DGKE: variants seen among roughly 807,000 people sequenced by gnomAD.
DGKE encodes diacylglycerol kinase epsilon.
A neutral mutation model predicts 70.0 loss-of-function variants in DGKE; 53 were observed. That is an observed-to-expected ratio of 0.76 (90% CI 0.61 to 0.95). The LOEUF is 0.95. Among genes scored for constraint, DGKE ranks in the 40% least tolerant of loss-of-function variants. The probability of loss-of-function intolerance (pLI) is 0.00; values close to 1 mark genes in which losing one functional copy is unlikely to be tolerated. For missense variants in DGKE, 655 were observed against 706.9 expected, an observed-to-expected ratio of 0.93 and a Z score of 0.83; for synonymous variants, 291 against 257.0, an observed-to-expected ratio of 1.13 and a Z score of -1.27.
rs1404263029 is a variant in DGKE at position 56,856,599 on chromosome 17, C to G, written c.1186C>G (p.Leu396Val). The change falls in exon 8 of 12, where the codon CTG becomes GTG. Residue 396 changes from leucine to valine, a missense_variant. Coordinates refer to ENST00000284061, the MANE Select transcript of DGKE (RefSeq NM_003647.3). ...FHAHREKAPS[L>V]FSSRILNKAV... ...TGCTCATCGTGAGAAGGCACCATCT[C>G]TGTTTTCTAGCAGAATTCTTAATAA... is the stretch of plus-strand genomic sequence containing the variant. 2 of 1,613,756 alleles carry G rather than the reference C, an allele frequency of 1.2e-6. No individual in the cohort carries two copies. The highest frequency in any genetic ancestry group is 2.2e-5 in the South Asian group (2 of 90,976).
In DGKE at chr17:56,865,477, C is replaced by T. The variant is rs1449272840; in HGVS notation, c.*2686C>T. ...CAGATGATGATAATTTTCAGTGTTT[C>T]GTCATGTTTAATAGAAATCAAACTG... On this transcript the variant is annotated 3_prime_UTR_variant, in exon 12 of 12. Transcript: ENST00000284061. The T allele has an allele frequency of 1.3e-5, 2 of 152,042 alleles. No individual in the cohort carries two copies. Among genetic ancestry groups the T allele is most frequent in the Non-Finnish European group, 2.9e-5 (2 of 67,984 alleles). 9.4% of individuals were successfully genotyped at this position (152,042 alleles called of 1,614,324 possible).
chr17:56,861,408 G>T (rs765311497), intron 9 of DGKE, among the ~76,000 whole-genome samples: 6 of 152,322 alleles, frequency 3.9e-5, no homozygotes, highest in Non-Finnish European at 8.8e-5. Context: ...TGGATAGATG[G>T]ATCTGGCCCA....
Position 56,847,903 on chromosome 17 carries a change from C to T in DGKE, c.745-19C>T. 13 of 1,521,940 alleles carry T rather than the reference C, an allele frequency of 8.5e-6. No individual in the cohort carries two copies. Among genetic ancestry groups the T allele is most frequent in the Non-Finnish European group, 1.1e-5 (13 of 1,132,334 alleles). 94.3% of individuals were successfully genotyped at this position (1,521,940 alleles called of 1,614,324 possible). Reference sequence around the variant, plus strand: ...AAAATGTTGGATAAAAATAATTTGTCTTTTTCTTTTGTTTCTAGGTTTTTG... The same window carrying T: ...AAAATGTTGGATAAAAATAATTTGTTTTTTTCTTTTGTTTCTAGGTTTTTG... On this transcript the variant is annotated intron_variant, in intron 4 of 11. Transcript: ENST00000284061.
Position 56,860,823 on chromosome 17 carries a change from A to C in DGKE, c.1285-968A>C, listed in dbSNP as rs1196531935. Among the ~76,000 whole-genome samples the C allele has an allele frequency of 6.6e-5, 9 of 136,256 alleles. No individual in the cohort carries two copies. The East Asian group carries it at 1.7e-3, about 25-fold the overall frequency. 89.4% of individuals were successfully genotyped at this position (136,256 alleles called of 152,430 possible). On this transcript the variant is annotated intron_variant, in intron 9 of 11. Transcript: ENST00000284061. ...GCATATTTGAGTGAGTTCAGGCTGG[A>C]GCATAGCTTTCAGGAAGGAAAGACA... is the stretch of plus-strand genomic sequence containing the variant.
At chr17:56,842,946 G>A (rs780605626) in intron 2 of DGKE, among the ~76,000 whole-genome samples, 7 of 152,186 alleles carry the variant, frequency 4.6e-5, no homozygotes, top group South Asian at 2.1e-4. Context: ...ATGTTCTTAC[G>A]TCTATTTCAA....
In DGKE at chr17:56,850,532, GA is replaced by G. The variant is rs1907587064; in HGVS notation, c.1098+1301del. Reference sequence around the variant, plus strand: ...GTAGTAAGTAAATAAGGAGAAAACAGAGAAAGAGAATTACAGTAGGTGGGTG... The same window carrying G: ...GTAGTAAGTAAATAAGGAGAAAACAGGAAAGAGAATTACAGTAGGTGGGTG... On this transcript the variant is annotated intron_variant, in intron 7 of 11. Transcript: ENST00000284061. Among the ~76,000 whole-genome samples the G allele has an allele frequency of 2.6e-5, 4 of 152,262 alleles. No individual in the cohort carries two copies. The South Asian group carries it at 8.3e-4, about 32-fold the overall frequency.
chr17:56,849,061 T>C, intron 6 of DGKE, 120 bp from the exon 7 acceptor site: 1 of 1,198,598 alleles, frequency 8.3e-7, no homozygotes, highest in Non-Finnish European at 1.2e-6. Flanking sequence ...ATTTGCATGC[T>C]CATATACGTG....
At chr17:56,854,201 T>A (rs1907812102) in intron 7 of DGKE, among the ~76,000 whole-genome samples, 1 of 152,170 alleles carries the variant, frequency 6.6e-6, no homozygotes, top group Non-Finnish European at 1.5e-5. Context: ...CATTGGTTAA[T>A]AGGTACAAAG....
At chr17:56,838,399 C>G (rs1175633397) in intron 2 of DGKE, 2 of 152,214 alleles carry the variant, frequency 1.3e-5, no homozygotes, top group Non-Finnish European at 2.9e-5. Flanking sequence ...TTTCGGCTTT[C>G]CCAACCATTT....
chr17:56,853,666 A>T (rs746164548), intron 7 of DGKE, among the ~76,000 whole-genome samples: 10 of 152,216 alleles, frequency 6.6e-5, no homozygotes, highest in Non-Finnish European at 1.2e-4. Flanking sequence ...AGTAATAACA[A>T]ATGTTGGCAA....
In DGKE at chr17:56,868,337, A is replaced by G. The variant is rs1039413751; in HGVS notation, c.*5546A>G. The stretch of plus-strand genomic sequence containing the variant: ...AACTGCTTAAACAAACCCTACAGAT[A>G]AATTGGCACTCTGATTTGTAATTCT... On this transcript the variant is annotated 3_prime_UTR_variant, in exon 12 of 12. Transcript: ENST00000284061. 2.6e-5 allele frequency: 4 copies of G among 152,272 alleles called. No individual in the cohort carries two copies. The highest frequency in any genetic ancestry group is 6.5e-5 in the Admixed American group (1 of 15,288). 9.4% of individuals were successfully genotyped at this position (152,272 alleles called of 1,614,324 possible).
chr17:56,856,868 G>A (rs1437231751), intron 8 of DGKE, among the ~76,000 whole-genome samples: 2 of 151,984 alleles, frequency 1.3e-5, no homozygotes, highest in East Asian at 3.9e-4. Context: ...GGAGGCGGAG[G>A]CAGGTGGATC....
chr17:56,860,547 A>T (rs551944396), intron 9 of DGKE, among the ~76,000 whole-genome samples: 2 of 152,332 alleles, frequency 1.3e-5, no homozygotes, highest in East Asian at 1.9e-4. Context: ...AACCAAAAAG[A>T]TATTTAAATC....
chr17:56,834,726 C>T lies in DGKE; in HGVS notation c.-18-52C>T, dbSNP rs1906455366. On this transcript the variant is annotated intron_variant, in intron 1 of 11. Coordinates refer to ENST00000284061, the MANE Select transcript of DGKE (RefSeq NM_003647.3). ...TGGCCCCGGAAAGGCAGGAAGGGGG[C>T]GGGGAAGGGATGGCGAGCTCGGGGT... The T allele has an allele frequency of 2.0e-6, 3 of 1,481,262 alleles. No individual in the cohort carries two copies. In the Admixed American group the frequency reaches 5.9e-5, roughly 29 times the overall value. 91.8% of individuals were successfully genotyped at this position (1,481,262 alleles called of 1,614,324 possible).
At chr17:56,842,696 TAGA>T (rs1895687542) in intron 2 of DGKE, among the ~76,000 whole-genome samples, 1 of 152,218 alleles carries the variant, frequency 6.6e-6, no homozygotes, top group African/African-American at 2.4e-5. Flanking sequence ...CAGCTTAAAA[TAGA>T]AGGTCACCAG....
chr17:56,866,711 TG>T lies in DGKE; in HGVS notation c.*3921del, dbSNP rs1249489931. On this transcript the variant is annotated 3_prime_UTR_variant, in exon 12 of 12. Transcript: ENST00000284061. ...AGTGCAGTGCGCCTCCAAGGGGCAG[TG>T]AGCCATGGAGGCGCCTGCCTTCTCA... The T allele has an allele frequency of 6.6e-6, 1 of 152,242 alleles. No homozygotes were observed. Among genetic ancestry groups the T allele is most frequent in the Non-Finnish European group, 1.5e-5 (1 of 68,054 alleles). 9.4% of individuals were successfully genotyped at this position (152,242 alleles called of 1,614,324 possible). A position where few individuals can be genotyped will look rare whatever the true frequency, so the allele number is the denominator to read the frequency against.
At chr17:56,836,560 C>A (rs968074907) in intron 2 of DGKE, 2 of 152,208 alleles carry the variant, frequency 1.3e-5, no homozygotes, top group African/African-American at 2.4e-5. Context: ...CCATAAATAA[C>A]CGTATTTCAA....
At chr17:56,841,068 T>C (rs1030112288) in intron 2 of DGKE, among the ~76,000 whole-genome samples, 8 of 152,076 alleles carry the variant, frequency 5.3e-5, no homozygotes, top group East Asian at 1.9e-4. Flanking sequence ...CTGACCGATA[T>C]GGTGAAACCC....
chr17:56,834,641 G>A (rs1227619891), intron 1 of DGKE, 137 bp from the exon 2 acceptor site: 5 of 813,248 alleles, frequency 6.1e-6, no homozygotes, highest in Non-Finnish European at 9.8e-6. Context: ...GGAGACGGGG[G>A]GACGAGGCGC....
Sources: allele counts gnomAD v4.1 joint callset (sites outside exome capture counted in the v4.1 genomes callset), GRCh38; gene constraint gnomAD v4.1.1; transcripts MANE v1.5; gene names NCBI Gene and HGNC (gene_info 2026-07-23, HGNC 2026-07-21).